FRMPD4: variants seen among roughly 807,000 people sequenced by gnomAD.
FRMPD4 encodes the protein FERM and PDZ domain-containing protein 4.
Under a neutral mutation model 94.1 loss-of-function variants are expected in FRMPD4, and 22 were observed. The ratio of observed to expected loss-of-function variants is 0.23; its 90% CI spans 0.17 to 0.33. The LOEUF (loss-of-function observed/expected upper bound fraction) is 0.33, where lower values mean the gene tolerates loss of function less well. Ranked by LOEUF, FRMPD4 falls within the 10% of genes least tolerant of loss-of-function variation. FRMPD4 has a pLI of 1.00. For synonymous variants in FRMPD4, 631 were observed against 548.6 expected (o/e 1.15, Z -2.10); for missense variants, 1,111 against 1,339.9 (o/e 0.83, Z 2.67).
At chrX:12,134,940 GA>G (rs2055584392), upstream of FRMPD4, among the ~76,000 whole-genome samples, 1 of 112,201 alleles carries the variant, frequency 8.9e-6, no homozygotes, top group Admixed American at 9.4e-5. Flanking sequence ...GTAAGGTAAA[GA>G]TGTATTATTT....
At chrX:12,359,944 T>A (rs1415486238) in intron 1 of FRMPD4, among the ~76,000 whole-genome samples, 2 of 112,324 alleles carry the variant, frequency 1.8e-5, no homozygotes, top group Non-Finnish European at 3.8e-5. Context: ...ATGACCACAA[T>A]AGACATTTAA....
At position 12,721,708 on chromosome X, in the gene FRMPD4, A is replaced by C; in HGVS notation, c.5139A>C (p.Ile1713=). The stretch of plus-strand genomic sequence containing the variant: ...TAGGGAAGATCGATGAAGTGGTCAT[A>C]AATTACATTTGTCTACTGAAAGCTG... The part of the protein sequence containing the change: ...EIVGKIDEVV[I]NYICLLKAAE... The change falls in exon 17 of 17, where the codon ATA becomes ATC. Residue 1713 remains isoleucine, a synonymous_variant. Transcript: ENST00000675598. The C allele has an allele frequency of 1.3e-6, 1 of 755,115 alleles. No homozygotes were observed. The allele number at this position is 755,115 out of a possible 1,213,427, so 62.2% of individuals were successfully genotyped here. A position where few individuals can be genotyped will look rare whatever the true frequency, so the allele number is the denominator to read the frequency against.
intron 1 of FRMPD4, among the ~76,000 whole-genome samples, chrX:12,273,307 A>G (rs997233447): frequency 1.8e-5 from 2 of 111,875 alleles, no homozygotes; most frequent in Admixed American, 1.9e-4. Flanking sequence ...AAATGTCTAA[A>G]ATTGTTAAAT....
chrX:12,294,909 A>G (rs1396038922), intron 1 of FRMPD4, among the ~76,000 whole-genome samples: 3 of 112,220 alleles, frequency 2.7e-5, no homozygotes, highest in African/African-American at 9.7e-5. Context: ...ATGGAATCCT[A>G]TTTCTCAAGT....
At chrX:11,958,720 CTTG>C (rs1179597233) in intron 3 of FRMPD4, among the ~76,000 whole-genome samples, 3 of 112,022 alleles carry the variant, frequency 2.7e-5, no homozygotes, top group Non-Finnish European at 5.6e-5. Flanking sequence ...TAACAAGTGA[CTTG>C]TTGGATGGTG....
intron 1 of FRMPD4, among the ~76,000 whole-genome samples, chrX:12,393,823 C>T (rs2056507916): frequency 8.9e-6 from 1 of 112,121 alleles, no homozygotes; most frequent in South Asian, 3.7e-4. Context: ...TAAAATATTT[C>T]TCTTCAGATC....
chrX:12,434,520 A>G (rs1485723297), intron 1 of FRMPD4, among the ~76,000 whole-genome samples: 1 of 112,415 alleles, frequency 8.9e-6, no homozygotes, highest in Non-Finnish European at 1.9e-5. Context: ...CCAGGAAGTG[A>G]GATTCTTCTA....
At chrX:12,392,519 G>A (rs910815247) in intron 1 of FRMPD4, among the ~76,000 whole-genome samples, 11 of 108,860 alleles carry the variant, frequency 1.0e-4, no homozygotes, top group African/African-American at 2.0e-4. Context: ...CCGGCGTGGC[G>A]GTGCTTGCCT....
At position 12,335,941 on chromosome X, in the gene FRMPD4, C is replaced by T. The variant is rs1420146115; in HGVS notation, c.42-162739C>T. Among the ~76,000 whole-genome samples, 3 of 112,506 alleles carry T rather than the reference C, an allele frequency of 2.7e-5. No individual in the cohort carries two copies. The East Asian group carries it at 8.3e-4, about 31-fold the overall frequency. ...ACTCTAATTTGCACAGAAGCATTGACTGCACCTTTTCAAAGGAATCAATGG... is the reference window on the plus strand; with the variant it reads ...ACTCTAATTTGCACAGAAGCATTGATTGCACCTTTTCAAAGGAATCAATGG... On this transcript the variant is annotated intron_variant, in intron 1 of 16. Transcript: ENST00000675598.
At chrX:12,341,214 C>T (rs781657255) in intron 1 of FRMPD4, among the ~76,000 whole-genome samples, 1 of 111,664 alleles carries the variant, frequency 9.0e-6, no homozygotes, top group Non-Finnish European at 1.9e-5. Context: ...CAAAGCATTC[C>T]CCTTTACCTT....
chrX:12,442,213 A>C (rs1490321584), intron 1 of FRMPD4, among the ~76,000 whole-genome samples: 1 of 111,414 alleles, frequency 9.0e-6, no homozygotes, highest in African/African-American at 3.3e-5. Flanking sequence ...CAAGATTTTT[A>C]TCTCCCTAGT....
intron 3 of FRMPD4, among the ~76,000 whole-genome samples, chrX:12,083,241 G>A (rs1043425017): frequency 8.9e-6 from 1 of 112,948 alleles, no homozygotes; most frequent in African/African-American, 3.2e-5. Context: ...CTGCGTCCCA[G>A]CCACTCCAGC....
Position 11,897,267 on chromosome X carries a change from A to G in FRMPD4, c.95+19249A>G, listed in dbSNP as rs772778258. ...ATTCTGGAACAGGCAAAACTAATCT[A>G]GAATGACAGAAATCAAATTAGTGGT... On this transcript the variant is annotated intron_variant, in intron 3 of 18. Transcript: ENST00000640291. 5.4e-5 allele frequency among the ~76,000 whole-genome samples: 6 copies of G among 111,667 alleles called. No individual in the cohort carries two copies. In the East Asian group the frequency reaches 1.7e-3, roughly 31 times the overall value.
chrX:12,219,414 A>T (rs1251827302), intron 1 of FRMPD4, among the ~76,000 whole-genome samples: 2 of 111,774 alleles, frequency 1.8e-5, no homozygotes, highest in Non-Finnish European at 3.8e-5. Flanking sequence ...GCAGGCTCTG[A>T]TGCCTTAGTC....
At chrX:12,226,208 G>A (rs773050123) in intron 1 of FRMPD4, among the ~76,000 whole-genome samples, 17 of 111,510 alleles carry the variant, frequency 1.5e-4, no homozygotes, top group East Asian at 1.1e-3. Context: ...GGGCTCAAGC[G>A]ATCCTCCTAC....
chrX:12,625,528 G>A (rs1285416641), intron 4 of FRMPD4, among the ~76,000 whole-genome samples: 1 of 111,844 alleles, frequency 8.9e-6, no homozygotes. Context: ...AGTGAAATAA[G>A]CCAGACACAG....
chrX:12,018,404 T>C (rs1229650603), intron 3 of FRMPD4, among the ~76,000 whole-genome samples: 2 of 110,156 alleles, frequency 1.8e-5, no homozygotes, highest in Non-Finnish European at 3.8e-5. Context: ...TCCCCTTCTT[T>C]TTTTTTGTTT....
At chrX:12,680,312 G>A (rs972522912) in intron 5 of FRMPD4, among the ~76,000 whole-genome samples, 2 of 112,315 alleles carry the variant, frequency 1.8e-5, no homozygotes, top group Non-Finnish European at 3.8e-5. Context: ...CACAGGATAT[G>A]AAGTGCTTGT....
chrX:12,329,259 A>C (rs1339219438), intron 1 of FRMPD4, among the ~76,000 whole-genome samples: 1 of 111,861 alleles, frequency 8.9e-6, no homozygotes, highest in Non-Finnish European at 1.9e-5. Flanking sequence ...TAGGACCTGC[A>C]GCCAAACAAG....
Sources: allele counts gnomAD v4.1 joint callset (sites outside exome capture counted in the v4.1 genomes callset), GRCh38; gene constraint gnomAD v4.1.1; transcripts MANE v1.5; gene names NCBI Gene and HGNC (gene_info 2026-07-23, HGNC 2026-07-21).